Variants in PCDHGA8 observed in about 807,000 individuals in gnomAD.
PCDHGA8 encodes the protein protocadherin gamma subfamily A, 8.
A neutral mutation model predicts 59.2 loss-of-function variants in PCDHGA8; 45 were observed. The observed-to-expected ratio is 0.76, with a 90% CI of 0.60 to 0.98. The LOEUF is 0.98. Ranked by LOEUF, PCDHGA8 falls within the 50% of genes least tolerant of loss-of-function variation. The pLI is 0.00. For missense variants in PCDHGA8, 1,257 were observed against 1,196.2 expected (o/e 1.05, Z -0.75); for synonymous variants, 531 against 519.0 (o/e 1.02, Z -0.32).
chr5:141,398,931 C>T, intron 1 of PCDHGA8: 2 of 1,613,956 alleles, frequency 1.2e-6, no homozygotes, highest in East Asian at 4.5e-5. Context: ...CAGCCACTGA[C>T]CAAGACGAGG....
chr5:141,491,379 A>G lies in PCDHGA8; in HGVS notation c.2425-3428A>G, dbSNP rs140150079. 423 of 1,613,968 alleles carry G rather than the reference A, an allele frequency of 2.6e-4. No homozygotes were observed. Among genetic ancestry groups the G allele is most frequent in the Non-Finnish European group, 3.0e-4 (359 of 1,179,986 alleles). On this transcript the variant is annotated intron_variant, in intron 1 of 3. Transcript: ENST00000398604. The surrounding 1 kb of genome is among the most constrained non-coding windows in gnomAD (Gnocchi z 6.9). ...CCCTAGTCACCTTCACCTTTCTGTC[A>G]GCGAAGTGCCTTCAGGGAAACGCAG...
intron 1 of PCDHGA8, among the ~76,000 whole-genome samples, chr5:141,407,155 TG>T (rs1451933301): frequency 1.3e-5 from 2 of 152,232 alleles, no homozygotes; most frequent in Non-Finnish European, 2.9e-5. Flanking sequence ...CTGAAGTGTC[TG>T]GGAATCCTTT....
At position 141,416,146 on chromosome 5, in the gene PCDHGA8, G is replaced by T. The variant is rs114133295; in HGVS notation, c.2424+20909G>T. 4.2e-3 allele frequency: 636 copies of T among 153,236 alleles called. 7 individuals carry two copies. Among genetic ancestry groups the T allele is most frequent in the South Asian group, 0.03 (145 of 4,832 alleles). 9.5% of individuals were successfully genotyped at this position (153,236 alleles called of 1,614,324 possible). Reference sequence around the variant, plus strand: ...TATATTTTTCAATCTATACTTTGTGGTGATAGTTGCAGTTGAATATACTAA... The same window carrying T: ...TATATTTTTCAATCTATACTTTGTGTTGATAGTTGCAGTTGAATATACTAA... On this transcript the variant is annotated intron_variant, in intron 1 of 3. Transcript: ENST00000398604.
intron 1 of PCDHGA8, among the ~76,000 whole-genome samples, chr5:141,469,102 A>G (rs1423904196): frequency 6.6e-6 from 1 of 151,626 alleles, no homozygotes; most frequent in East Asian, 1.9e-4. Flanking sequence ...CAAAGCAAGA[A>G]CCTGTCTCTA....
chr5:141,477,193 C>G lies in PCDHGA8; in HGVS notation c.2425-17614C>G. The G allele has an allele frequency of 6.2e-7, 1 of 1,614,176 alleles. No homozygotes were observed. Among genetic ancestry groups the G allele is most frequent in the Non-Finnish European group, 8.5e-7 (1 of 1,180,036 alleles). On this transcript the variant is annotated intron_variant, in intron 1 of 3. Transcript: ENST00000398604. This position sits in a 1 kb window ranked among gnomAD's most constrained non-coding sequence, Gnocchi z 4.9. ...AGATCACAGTCACCTCCGTGTACAG[C>G]CCAGTACCCGAGGATGCCCCTCTGG...
intron 1 of PCDHGA8, among the ~76,000 whole-genome samples, chr5:141,420,581 C>T (rs1024544346): frequency 2.6e-5 from 4 of 151,994 alleles, no homozygotes; most frequent in Admixed American, 6.5e-5. Flanking sequence ...TAATTGAAAC[C>T]CTGATGCTAC....
At chr5:141,419,151 C>A in intron 1 of PCDHGA8, 1 of 1,613,918 alleles carries the variant, frequency 6.2e-7, no homozygotes. Context: ...GGCAAGCCTC[C>A]GTTATCCTCC....
chr5:141,472,980 C>CAAAAAAAAAAAAAAAAAAGAAAAAAAA (rs60579131), intron 1 of PCDHGA8, among the ~76,000 whole-genome samples: 1 of 86,106 alleles, frequency 1.2e-5, no homozygotes, highest in Non-Finnish European at 2.5e-5. Flanking sequence ...GAGTGAAACT[C>CAAAAAAAAAAAAAAAAAAGAAAAAAAA]AAAAAAAAAA....
At chr5:141,423,169 C>G (rs747206648) in intron 1 of PCDHGA8, 2 of 1,613,460 alleles carry the variant, frequency 1.2e-6, no homozygotes, top group Admixed American at 3.3e-5. Context: ...GGTGGCCGTC[C>G]AGGACCACGG....
At chr5:141,419,394 G>A (rs778450240) in intron 1 of PCDHGA8, 2 of 1,613,612 alleles carry the variant, frequency 1.2e-6, no homozygotes, top group East Asian at 2.2e-5. Flanking sequence ...GCGCAGAGCG[G>A]GGTGGTGTTC....
intron 1 of PCDHGA8, chr5:141,412,017 A>C (rs914087284): frequency 1.4e-5 from 2 of 146,532 alleles, no homozygotes; most frequent in African/African-American, 5.3e-5. Context: ...ACTTCTGAAC[A>C]TCCTGTTCTC....
rs2092610841 is a variant in PCDHGA8 at position 141,392,842 on chromosome 5, G to C, written c.29G>C (p.Arg10Pro). 6.2e-7 allele frequency: 1 copy of C among 1,609,194 alleles called. No homozygotes were observed. The highest frequency in any genetic ancestry group is 8.5e-7 in the Non-Finnish European group (1 of 1,177,812). Residue 10 changes from arginine to proline, a missense_variant, in exon 1 of 4, where the codon CGC (arginine) becomes CCC (proline). Transcript: ENST00000398604. MAAPQSRPR[R>P]GELILLCALL... ...GCCGCTCCACAGAGTCGCCCCAGACGCGGCGAGCTGATCCTGCTGTGCGCG... is the reference window on the plus strand; with the variant it reads ...GCCGCTCCACAGAGTCGCCCCAGACCCGGCGAGCTGATCCTGCTGTGCGCG...
chr5:141,489,205 G>A lies in PCDHGA8; in HGVS notation c.2425-5602G>A. 2.1e-6 allele frequency: 3 copies of A among 1,438,682 alleles called. No homozygotes were observed. Among genetic ancestry groups the A allele is most frequent in the Non-Finnish European group, 1.9e-6 (2 of 1,060,944 alleles). 89.1% of individuals were successfully genotyped at this position (1,438,682 alleles called of 1,614,324 possible). On this transcript the variant is annotated intron_variant, in intron 1 of 3. Coordinates refer to ENST00000398604, the MANE Select transcript of PCDHGA8 (RefSeq NM_032088.2). The surrounding 1 kb of genome is among the most constrained non-coding windows in gnomAD (Gnocchi z 4.5). ...CTGGGTCTACCTTGGAGACAGGACA[G>A]CACAGACTTACTCTCCACAAAGGGA...
intron 1 of PCDHGA8, chr5:141,404,653 C>A (rs754039673): frequency 2.4e-5 from 39 of 1,614,206 alleles, no homozygotes; most frequent in Non-Finnish European, 3.1e-5. Flanking sequence ...ACCCTGCCCT[C>A]CCCACTGATG....
chr5:141,426,719 A>G (rs776136674), intron 1 of PCDHGA8: 2 of 446,424 alleles, frequency 4.5e-6, no homozygotes, highest in Non-Finnish European at 9.1e-6. Context: ...ATGAACTAGC[A>G]ATTCCAGGCA....
chr5:141,448,955 A>G (rs929888928), intron 1 of PCDHGA8, among the ~76,000 whole-genome samples: 1 of 152,174 alleles, frequency 6.6e-6, no homozygotes. Flanking sequence ...AAAAAAACAA[A>G]CAAACAAACA....
chr5:141,451,358 T>C (rs537863729), intron 1 of PCDHGA8, among the ~76,000 whole-genome samples: 1 of 152,326 alleles, frequency 6.6e-6, no homozygotes, highest in African/African-American at 2.4e-5. Flanking sequence ...CAACAGAGGA[T>C]GGATCCGCTT....
At chr5:141,501,016 G>A (rs1042009106) in intron 2 of PCDHGA8, among the ~76,000 whole-genome samples, 7 of 151,716 alleles carry the variant, frequency 4.6e-5, no homozygotes, top group Non-Finnish European at 1.0e-4. Context: ...CTACAGGCAC[G>A]CGCCACCACG....
intron 1 of PCDHGA8, chr5:141,408,051 C>G (rs894200228): frequency 3.2e-5 from 41 of 1,264,370 alleles, no homozygotes; most frequent in African/African-American, 1.1e-4. Flanking sequence ...CCACACAGAG[C>G]CTCCCGGCTG....
Sources: allele counts gnomAD v4.1 joint callset (sites outside exome capture counted in the v4.1 genomes callset), GRCh38; gene constraint gnomAD v4.1.1; non-coding constraint Gnocchi (gnomAD v3.1); transcripts MANE v1.5; gene names NCBI Gene and HGNC (gene_info 2026-07-23, HGNC 2026-07-21).